ODF2L: variants seen among roughly 807,000 people sequenced by gnomAD.
ODF2L encodes the protein outer dense fiber of sperm tails 2 like.
In ODF2L, 76 loss-of-function variants were observed where a neutral mutation model predicts 86.3. The observed-to-expected ratio is 0.88, with a 90% confidence interval of 0.73 to 1.07. ODF2L has a LOEUF of 1.07. ODF2L is among the 50% of genes least tolerant of loss of function. ODF2L has a pLI of 0.00. For synonymous variants in ODF2L, 241 were observed against 231.3 expected (o/e 1.04, Z -0.38); for missense variants, 748 against 717.4 (o/e 1.04, Z -0.49).
At chr1:86,383,465 C>T (rs1660722829) in intron 4 of ODF2L, among the ~76,000 whole-genome samples, 1 of 151,620 alleles carries the variant, frequency 6.6e-6, no homozygotes, top group South Asian at 2.1e-4. Context: ...ATCCTCTATA[C>T]AAAAGAAGTT....
At chr1:86,385,716 C>A in intron 2 of ODF2L, 126 bp from the exon 3 acceptor site, 1 of 596,800 alleles carries the variant, frequency 1.7e-6, no homozygotes, top group Non-Finnish European at 2.8e-6. Context: ...AAAAGTAGCT[C>A]GAAACTTGGA....
intron 3 of ODF2L, 46 bp downstream of exon 3, chr1:86,385,412 T>G: frequency 2.5e-6 from 3 of 1,222,652 alleles, no homozygotes; most frequent in Non-Finnish European, 3.5e-6. Flanking sequence ...GCATTCTGAG[T>G]ATTATACTAG....
At chr1:86,368,913 A>G in intron 10 of ODF2L, among the ~76,000 whole-genome samples, 1 of 152,266 alleles carries the variant, frequency 6.6e-6, no homozygotes, top group South Asian at 2.1e-4. Flanking sequence ...TTATATACAT[A>G]AATCTGTTTC....
intron 14 of ODF2L, 56 bp from the exon 14 acceptor site, chr1:86,354,915 A>T (rs772262209): frequency 2.0e-5 from 19 of 931,440 alleles, no homozygotes; most frequent in Non-Finnish European, 2.7e-5. Flanking sequence ...ACTTCCAAAG[A>T]AATCCATATA....
At chr1:86,359,275 C>G (rs1658831752) in intron 12 of ODF2L, among the ~76,000 whole-genome samples, 1 of 151,724 alleles carries the variant, frequency 6.6e-6, no homozygotes, top group Non-Finnish European at 1.5e-5. Flanking sequence ...GCCCTGCACC[C>G]AGAATATGGT....
downstream of ODF2L, chr1:86,349,810 C>T (rs1348528126): frequency 6.6e-6 from 1 of 152,132 alleles, no homozygotes; most frequent in Non-Finnish European, 1.5e-5. Flanking sequence ...TCTGTACATC[C>T]ATTCTGCACC....
chr1:86,353,552 GAT>G (rs2100727130), intron 16 of ODF2L, among the ~76,000 whole-genome samples: 1 of 152,258 alleles, frequency 6.6e-6, no homozygotes, highest in East Asian at 1.9e-4. Flanking sequence ...TAAGGAATCA[GAT>G]ATGTTTCCTT....
chr1:86,354,932 T>C (rs1658424494), intron 14 of ODF2L, 73 bp from the exon 14 acceptor site: 1 of 827,242 alleles, frequency 1.2e-6, no homozygotes, highest in Non-Finnish European at 2.0e-6. Context: ...TATAATTTAT[T>C]GTTAGAACAA....
chr1:86,350,994 C>A (rs1658097472), exon 18 of ODF2L: 1 of 151,858 alleles, frequency 6.6e-6, no homozygotes. Context: ...TGGATATTGG[C>A]CCTTTGTCAG....
downstream of ODF2L, chr1:86,350,003 AAC>A (rs1456771995): frequency 3.4e-6 from 1 of 291,128 alleles, no homozygotes; most frequent in Non-Finnish European, 5.1e-6. Flanking sequence ...GAAGGCATAA[AAC>A]ACACAAACTC....
chr1:86,387,006 C>T (rs1243072703), exon 2 of ODF2L: 2 of 1,571,928 alleles, frequency 1.3e-6, no homozygotes, highest in Non-Finnish European at 1.7e-6. Flanking sequence ...GAATGACTTC[C>T]ATCATTTACA....
chr1:86,387,110 A>G, intron 1 of ODF2L, 24 bp from the exon 2 acceptor site: 4 of 610,362 alleles, frequency 6.6e-6, no homozygotes, highest in Non-Finnish European at 1.1e-5. Context: ...TAGTTATTAA[A>G]TTTATTTCAA....
At chr1:86,371,264 G>A (rs1328467784) in intron 9 of ODF2L, 111 bp from the exon 10 acceptor site, 11 of 502,806 alleles carry the variant, frequency 2.2e-5, no homozygotes, top group Non-Finnish European at 1.7e-5. Context: ...GTTTCAAATA[G>A]GGAATATACA....
intron 13 of ODF2L, chr1:86,357,819 C>T: frequency 1.0e-6 from 1 of 985,046 alleles, no homozygotes; most frequent in Non-Finnish European, 1.2e-6. Flanking sequence ...CTGAAAAAGA[C>T]AGGCTCCAAC....
At chr1:86,366,240 T>G (rs951414995) in intron 11 of ODF2L, among the ~76,000 whole-genome samples, 1 of 152,052 alleles carries the variant, frequency 6.6e-6, no homozygotes, top group Non-Finnish European at 1.5e-5. Flanking sequence ...ATCTAAAATT[T>G]TTTTATATTA....
chr1:86,354,720 AT>A, intron 15 of ODF2L, 28 bp from the exon 15 acceptor site: 3 of 1,569,876 alleles, frequency 1.9e-6, no homozygotes, highest in Non-Finnish European at 2.6e-6. Flanking sequence ...ATATTTTAAA[AT>A]GTTAATGTGC....
At chr1:86,368,773 T>C (rs747309393) in intron 10 of ODF2L, 48 of 1,282,388 alleles carry the variant, frequency 3.7e-5, no homozygotes, top group African/African-American at 1.7e-4. Flanking sequence ...CATCAGAGCA[T>C]TATTATTATT....
At chr1:86,388,286 A>G (rs1037021464) in intron 1 of ODF2L, among the ~76,000 whole-genome samples, 1 of 152,124 alleles carries the variant, frequency 6.6e-6, no homozygotes, top group African/African-American at 2.4e-5. Flanking sequence ...CCAAACCTAA[A>G]AGTTAAGAAG....
chr1:86,370,885 T>G (rs1659744533), intron 10 of ODF2L, 133 bp downstream of exon 10: 2 of 493,982 alleles, frequency 4.0e-6, no homozygotes, highest in Admixed American at 7.0e-5. Context: ...GAAAACATAA[T>G]ATCCTGACAA....
Sources: allele counts gnomAD v4.1 joint callset (sites outside exome capture counted in the v4.1 genomes callset), GRCh38; gene constraint gnomAD v4.1.1; transcripts MANE v1.5; gene names NCBI Gene and HGNC (gene_info 2026-07-23, HGNC 2026-07-21).